The following AKAP8L variants were observed in gnomAD, a reference collection of about 807,000 sequenced individuals.
AKAP8L encodes A-kinase anchor protein 8-like.
In AKAP8L, 34 loss-of-function variants were observed where a neutral mutation model predicts 77.5. That is an observed-to-expected ratio of 0.44 (90% confidence interval 0.33 to 0.58). AKAP8L has a LOEUF of 0.58. Among genes scored for constraint, AKAP8L ranks in the 20% least tolerant of loss-of-function variants. The pLI is 0.02. For synonymous variants in AKAP8L, 342 were observed against 340.7 expected, an observed-to-expected ratio of 1.00 and a Z score of -0.04; for missense variants, 806 against 887.6, an observed-to-expected ratio of 0.91 and a Z score of 1.17.
At position 15,403,980 on chromosome 19, in the gene AKAP8L, C is replaced by T. The variant is rs753092931; in HGVS notation, c.121+30G>A. 6 of 1,613,128 alleles carry T rather than the reference C, an allele frequency of 3.7e-6. No individual in the cohort carries two copies. In the South Asian group the frequency reaches 5.5e-5, roughly 15 times the overall value. ...ACACAGCCAGGACAACCCCAAGGGA[C>T]AGGACAGCAATCACAGGAATGACAC... is the stretch of plus-strand genomic sequence containing the variant. On this transcript the variant is annotated intron_variant, in intron 3 of 13. Coordinates refer to ENST00000397410, the MANE Select transcript of AKAP8L (RefSeq NM_014371.4). This position sits in a 1 kb window ranked among gnomAD's most constrained non-coding sequence, Gnocchi z 4.3.
rs983887495 is a variant in AKAP8L, at chr19:15,385,269, G to A, written c.1537-4657C>T. On this transcript the variant is annotated intron_variant, in intron 12 of 13. Transcript: ENST00000397410. Reference sequence around the variant, plus strand: ...TGGGACTACAGGCGTGAGCCACCGCGCCCGGCCTTTCATGCCATTCTCTTG... The same window carrying A: ...TGGGACTACAGGCGTGAGCCACCGCACCCGGCCTTTCATGCCATTCTCTTG... 3.9e-4 allele frequency among the ~76,000 whole-genome samples: 58 copies of A among 150,546 alleles called. 1 individual carries two copies. The highest frequency in any genetic ancestry group is 6.3e-4 in the South Asian group (3 of 4,740).
chr19:15,412,594 T>C (rs919391904), intron 1 of AKAP8L, among the ~76,000 whole-genome samples: 2 of 152,082 alleles, frequency 1.3e-5, no homozygotes, highest in Non-Finnish European at 2.9e-5. Flanking sequence ...TAGGTTGGAG[T>C]GCAGTGGCAC....
chr19:15,393,720 C>T (rs1398078760), intron 12 of AKAP8L, among the ~76,000 whole-genome samples: 2 of 151,846 alleles, frequency 1.3e-5, no homozygotes, highest in Admixed American at 6.6e-5. Context: ...CGGGAGTTCG[C>T]GATCAGACTG....
At chr19:15,418,204 T>C (rs1383068027) in intron 1 of AKAP8L, among the ~76,000 whole-genome samples, 1 of 152,236 alleles carries the variant, frequency 6.6e-6, no homozygotes, top group Non-Finnish European at 1.5e-5. Flanking sequence ...CTCGCTTATT[T>C]GCCTATTAAG....
chr19:15,399,056 C>T lies in AKAP8L; in HGVS notation c.1157+246G>A, dbSNP rs1410126614. 7 of 529,794 alleles carry T rather than the reference C, an allele frequency of 1.3e-5. No homozygotes were observed. Among genetic ancestry groups the T allele is most frequent in the East Asian group, 7.0e-5 (2 of 28,490 alleles). 32.8% of individuals were successfully genotyped at this position (529,794 alleles called of 1,614,324 possible). The stretch of plus-strand genomic sequence containing the variant: ...ACCTAGCGCCAGAGCTTCTGAGCAA[C>T]GGTGCCGAGCGGTGTCAGGTCTCGG... On this transcript the variant is annotated intron_variant, in intron 9 of 13. Coordinates refer to ENST00000397410, the MANE Select transcript of AKAP8L (RefSeq NM_014371.4). The surrounding 1 kb of genome is among the most constrained non-coding windows in gnomAD (Gnocchi z 6.1).
chr19:15,412,208 AAAAC>A (rs1260062603), intron 1 of AKAP8L, among the ~76,000 whole-genome samples: 2 of 152,116 alleles, frequency 1.3e-5, no homozygotes, highest in African/African-American at 2.4e-5. Context: ...ACTCCGTCTC[AAAAC>A]AAACAAACAA....
In AKAP8L at chr19:15,397,788, C is replaced by G; in HGVS notation, c.1225G>C (p.Asp409His). ...AAGTGTTCCTTGTGGAACTTGCTGT[C>G]AAGATGGCTGGCCATCTCGTCCTCA... ...FYEDEMASHL[D>H]SKFHKEHFKY... Residue 409 changes from aspartate to histidine, a missense_variant, in exon 10 of 14, where the codon GAC becomes CAC. Around this residue, in one of 2 missense-constraint regions of AKAP8L, gnomAD observed 580 missense variants for 694.1 expected, o/e 0.84. Coordinates refer to ENST00000397410, the MANE Select transcript of AKAP8L (RefSeq NM_014371.4). This position sits in a 1 kb window ranked among gnomAD's most constrained non-coding sequence, Gnocchi z 4.7. The G allele has an allele frequency of 6.2e-7, 1 of 1,614,006 alleles. No homozygotes were observed. Among genetic ancestry groups the G allele is most frequent in the Non-Finnish European group, 8.5e-7 (1 of 1,179,900 alleles).
Position 15,400,360 on chromosome 19 carries a change from T to C in AKAP8L, c.985-2A>G. 6.2e-7 allele frequency: 1 copy of C among 1,606,022 alleles called. No individual in the cohort carries two copies. Among genetic ancestry groups the C allele is most frequent in the Non-Finnish European group, 8.5e-7 (1 of 1,176,788 alleles). The stretch of plus-strand genomic sequence containing the variant: ...TTTTCCCTCCTCATCCTCTCCGTCC[T>C]AACAATTTCAAATTCCAACTTTAAA... On this transcript the variant is annotated splice_acceptor_variant, in intron 7 of 13. Coordinates refer to ENST00000397410, the MANE Select transcript of AKAP8L (RefSeq NM_014371.4). LOFTEE classifies it high-confidence loss of function.
chr19:15,384,302 G>T (rs1414389955), intron 12 of AKAP8L, among the ~76,000 whole-genome samples: 10 of 137,986 alleles, frequency 7.2e-5, no homozygotes, highest in African/African-American at 1.6e-4. Context: ...TTCCCTCCCT[G>T]TTTTTTTTTT....
chr19:15,410,856 G>A (rs1046713091), intron 1 of AKAP8L, among the ~76,000 whole-genome samples: 1 of 152,110 alleles, frequency 6.6e-6, no homozygotes, highest in African/African-American at 2.4e-5. Context: ...CACTCTGTCC[G>A]GGCTGCAACG....
intron 12 of AKAP8L, among the ~76,000 whole-genome samples, chr19:15,392,689 G>C (rs927751860): frequency 6.6e-6 from 1 of 151,602 alleles, no homozygotes; most frequent in African/African-American, 2.4e-5. Context: ...CCAAGGTCAG[G>C]AGTTCAAGAC....
intron 12 of AKAP8L, 142 bp from the exon 13 acceptor site, chr19:15,380,754 A>G (rs546725414): frequency 4.5e-6 from 3 of 667,612 alleles, no homozygotes; most frequent in Non-Finnish European, 7.9e-6. Context: ...CCACTCCACA[A>G]GCATGGAACC....
chr19:15,397,270 C>A lies in AKAP8L; in HGVS notation c.1416G>T (p.Met472Ile), dbSNP rs200143056. The change falls in exon 12 of 14, where the codon ATG (methionine) becomes ATT (isoleucine). Residue 472 changes from methionine to isoleucine, a missense_variant. Transcript: ENST00000397410. This position sits in a 1 kb window ranked among gnomAD's most constrained non-coding sequence, Gnocchi z 4.7. ...RDQDLTQEIA[M>I]EHFVKKVEAA... Reference sequence around the variant, plus strand: ...CCTCCACCTTCTTCACAAAATGCTCCATGGCAATTTCTGTAGTGGGGAGGA... The same window carrying A: ...CCTCCACCTTCTTCACAAAATGCTCAATGGCAATTTCTGTAGTGGGGAGGA... 1 of 1,613,956 alleles carries A rather than the reference C, an allele frequency of 6.2e-7. No homozygotes were observed. Among genetic ancestry groups the A allele is most frequent in the Admixed American group, 1.7e-5 (1 of 60,024 alleles).
At chr19:15,384,976 TTC>T (rs1378941411) in intron 12 of AKAP8L, among the ~76,000 whole-genome samples, 1 of 151,374 alleles carries the variant, frequency 6.6e-6, no homozygotes, top group African/African-American at 2.4e-5. Flanking sequence ...GTTCATGCCA[TTC>T]TCTTTTTTTT....
chr19:15,381,741 G>A (rs1453008225), intron 12 of AKAP8L: 3 of 152,040 alleles, frequency 2.0e-5, no homozygotes, highest in African/African-American at 7.3e-5. Context: ...TTCCCCCAGT[G>A]ACTCTCACTT....
chr19:15,416,061 A>G (rs1209555431), intron 1 of AKAP8L, among the ~76,000 whole-genome samples: 3 of 152,048 alleles, frequency 2.0e-5, no homozygotes, highest in South Asian at 4.1e-4. Flanking sequence ...TCCTGGCCTC[A>G]AGCAATCTTC....
rs759306827 is a variant in AKAP8L at position 15,380,222 on chromosome 19, C to CCCTCCT, written c.1835_1840dup (p.Glu612_Glu613dup). ...CGCCCCTCCCAGCAAGGGCACGGCG[C>CCCTCCT]CCTCCTCCTCCTCCTCTGGGGGCGG... is the stretch of plus-strand genomic sequence containing the variant. On this transcript the variant is annotated inframe_insertion, in exon 14 of 14. Transcript: ENST00000397410. 12 of 1,506,494 alleles carry CCCTCCT rather than the reference C, an allele frequency of 8.0e-6. No individual in the cohort carries two copies. The highest frequency in any genetic ancestry group is 7.2e-5 in the African/African-American group (5 of 69,022). 93.3% of individuals were successfully genotyped at this position (1,506,494 alleles called of 1,614,324 possible). A position where few individuals can be genotyped will look rare whatever the true frequency, so the allele number is the denominator to read the frequency against.
intron 1 of AKAP8L, among the ~76,000 whole-genome samples, chr19:15,416,572 T>C (rs941177824): frequency 1.6e-4 from 24 of 152,356 alleles, no homozygotes; most frequent in Non-Finnish European, 2.9e-4. Flanking sequence ...CTAGTCCACA[T>C]AGAGATCCTA....
intron 7 of AKAP8L, 89 bp from the exon 8 acceptor site, chr19:15,400,447 A>G (rs1405815087): frequency 6.1e-6 from 8 of 1,312,110 alleles, no homozygotes; most frequent in Non-Finnish European, 8.6e-6. Context: ...GGTATATAGT[A>G]AAACAGCTGC....
Sources: gnomAD v4.1 joint callset for allele counts (sites outside exome capture counted in the v4.1 genomes callset) on GRCh38, gnomAD v4.1.1 for gene constraint, gnomAD v4.1.1 regional missense constraint, Gnocchi (gnomAD v3.1) non-coding constraint, MANE v1.5 for transcripts, NCBI Gene and HGNC (gene_info 2026-07-23, HGNC 2026-07-21) for gene names.